The following NRG1 variants were observed in gnomAD, a reference collection of about 807,000 sequenced individuals.
The protein encoded by NRG1 is pro-neuregulin-1, membrane-bound isoform.
A neutral mutation model predicts 63.8 loss-of-function variants in NRG1; 18 were observed. The ratio of observed to expected loss-of-function variants is 0.28; its 90% CI spans 0.19 to 0.42. The LOEUF is 0.42. Among genes scored for constraint, NRG1 ranks in the 10% least tolerant of loss-of-function variants. The probability of loss-of-function intolerance (pLI) is 1.00; values close to 1 mark genes in which losing one functional copy is unlikely to be tolerated. For missense variants in NRG1, 762 were observed against 814.7 expected (o/e 0.94, Z 0.79); for synonymous variants, 302 against 301.3 (o/e 1.00, Z -0.02).
intron 1 of NRG1, among the ~76,000 whole-genome samples, chr8:32,233,737 A>T (rs1847248045): frequency 6.6e-6 from 1 of 151,330 alleles, no homozygotes; most frequent in Non-Finnish European, 1.5e-5. Flanking sequence ...GCTAATTTTC[A>T]TATTTTTAGT....
chr8:32,161,567 A>G (rs907738475), intron 1 of NRG1, among the ~76,000 whole-genome samples: 8 of 34,784 alleles, frequency 2.3e-4, no homozygotes, highest in African/African-American at 5.1e-4. Context: ...CATGCAAATG[A>G]AAAAAAAAAA....
chr8:32,211,870 A>G (rs1844734803), intron 1 of NRG1, among the ~76,000 whole-genome samples: 2 of 152,072 alleles, frequency 1.3e-5, no homozygotes. Flanking sequence ...TACTATCTCC[A>G]AGGATAGAAA....
intron 1 of NRG1, among the ~76,000 whole-genome samples, chr8:32,460,392 T>C (rs1268663057): frequency 6.6e-6 from 1 of 152,236 alleles, no homozygotes; most frequent in African/African-American, 2.4e-5. Flanking sequence ...TAAGATTGAC[T>C]GTACACGACC....
chr8:31,734,680 C>T (rs926627949), intron 1 of NRG1, among the ~76,000 whole-genome samples: 2 of 152,144 alleles, frequency 1.3e-5, no homozygotes, highest in African/African-American at 2.4e-5. Context: ...TATTTTCCCC[C>T]AGTTTTCTCT....
chr8:31,817,392 T>G (rs1041643868), intron 1 of NRG1, among the ~76,000 whole-genome samples: 3 of 152,184 alleles, frequency 2.0e-5, no homozygotes, highest in African/African-American at 4.8e-5. Context: ...CAGAAGTGCC[T>G]AGCTACACAC....
chr8:32,423,352 C>T (rs570313776), intron 1 of NRG1, among the ~76,000 whole-genome samples: 1 of 152,284 alleles, frequency 6.6e-6, no homozygotes, highest in South Asian at 2.1e-4. Context: ...TTTATAAGGT[C>T]TGGTCTACAT....
intron 1 of NRG1, among the ~76,000 whole-genome samples, chr8:31,832,753 CAATGA>C (rs1451897954): frequency 1.3e-5 from 2 of 152,266 alleles, no homozygotes; most frequent in Admixed American, 1.3e-4. Context: ...GCTATCATCG[CAATGA>C]AATCTTGACC....
intron 1 of NRG1, among the ~76,000 whole-genome samples, chr8:31,677,394 T>G (rs576940281): frequency 6.6e-6 from 1 of 152,292 alleles, no homozygotes; most frequent in East Asian, 1.9e-4. Flanking sequence ...CTATGGATTC[T>G]AAATAGATTC....
At chr8:31,916,574 G>T (rs1330398721) in intron 1 of NRG1, among the ~76,000 whole-genome samples, 2 of 152,032 alleles carry the variant, frequency 1.3e-5, no homozygotes, top group Non-Finnish European at 2.9e-5. Flanking sequence ...ATGGTGTATA[G>T]GTGCCACATT....
intron 1 of NRG1, among the ~76,000 whole-genome samples, chr8:32,272,884 T>C (rs1389243407): frequency 6.6e-6 from 1 of 152,170 alleles, no homozygotes; most frequent in Non-Finnish European, 1.5e-5. Context: ...ATTGGGACTT[T>C]TGTCAAATTA....
At chr8:31,698,987 A>G (rs546639128) in intron 1 of NRG1, among the ~76,000 whole-genome samples, 1 of 152,346 alleles carries the variant, frequency 6.6e-6, no homozygotes, top group African/African-American at 2.4e-5. Context: ...TAAATGTGGA[A>G]AAATCAGTCT....
At chr8:31,792,280 A>T (rs1820790103) in intron 1 of NRG1, among the ~76,000 whole-genome samples, 1 of 152,242 alleles carries the variant, frequency 6.6e-6, no homozygotes, top group African/African-American at 2.4e-5. Flanking sequence ...TTTATGTTCA[A>T]ACTAAATGAA....
chr8:31,730,260 C>G (rs957879388), intron 1 of NRG1, among the ~76,000 whole-genome samples: 3 of 152,140 alleles, frequency 2.0e-5, no homozygotes, highest in Non-Finnish European at 2.9e-5. Context: ...CTTATGCTCT[C>G]TGTACTTCCT....
At chr8:32,758,217 A>C (rs1331381805) in intron 9 of NRG1, among the ~76,000 whole-genome samples, 1 of 152,176 alleles carries the variant, frequency 6.6e-6, no homozygotes, top group Non-Finnish European at 1.5e-5. Flanking sequence ...TTAAAACACA[A>C]CTTCAAAAAG....
chr8:32,325,162 A>G (rs1044269143), intron 1 of NRG1, among the ~76,000 whole-genome samples: 1 of 152,206 alleles, frequency 6.6e-6, no homozygotes, highest in African/African-American at 2.4e-5. Context: ...GAGGCATGAG[A>G]AAACATCTTA....
chr8:32,160,348 C>T (rs1269393080), intron 1 of NRG1, among the ~76,000 whole-genome samples: 1 of 152,212 alleles, frequency 6.6e-6, no homozygotes, highest in Admixed American at 6.5e-5. Flanking sequence ...AGGAACTGAA[C>T]TAAATGCTGC....
intron 5 of NRG1, chr8:32,646,612 C>T (rs1276663860): frequency 1.1e-6 from 1 of 886,022 alleles, no homozygotes; most frequent in South Asian, 5.2e-5. Flanking sequence ...TTTCTCTGAC[C>T]CAACAGTGGG....
At chr8:32,067,383 G>T (rs1042564282) in intron 1 of NRG1, among the ~76,000 whole-genome samples, 2 of 152,148 alleles carry the variant, frequency 1.3e-5, no homozygotes, top group African/African-American at 2.4e-5. Context: ...AATTTATTGA[G>T]AGTTTTTAGC....
chr8:31,965,702 C>T lies in NRG1; in HGVS notation c.37+326271C>T, dbSNP rs531335358. 2.6e-5 allele frequency among the ~76,000 whole-genome samples: 4 copies of T among 152,266 alleles called. No homozygotes were observed. In the South Asian group the frequency reaches 8.3e-4, roughly 32 times the overall value. ...AAATGTTCTCTTTTCTCCACATCAA[C>T]ATCTGTTGTTTTTTGACTTTTTAAT... On this transcript the variant is annotated intron_variant, in intron 1 of 10. Transcript: ENST00000519301.
Sources: gnomAD v4.1 joint callset for allele counts (sites outside exome capture counted in the v4.1 genomes callset) on GRCh38, gnomAD v4.1.1 for gene constraint, MANE v1.5 for transcripts, NCBI Gene and HGNC (gene_info 2026-07-23, HGNC 2026-07-21) for gene names.